SOX5: variants seen among roughly 807,000 people sequenced by gnomAD.
SOX5 encodes the protein transcription factor SOX-5.
In SOX5, 9 loss-of-function variants were observed where a neutral mutation model predicts 92.0. The ratio of observed to expected loss-of-function variants is 0.10; its 90% CI spans 0.06 to 0.17. SOX5 has a LOEUF of 0.17. SOX5 is among the 10% of genes least tolerant of loss of function. The pLI, the probability that SOX5 is intolerant of heterozygous loss-of-function variation, is 1.00. For missense variants in SOX5, 642 were observed against 944.5 expected, an observed-to-expected ratio of 0.68 and a Z score of 4.20; for synonymous variants, 344 against 336.3, an observed-to-expected ratio of 1.02 and a Z score of -0.25.
At position 23,767,035 on chromosome 12, in the gene SOX5, C is replaced by A. The variant is rs2094753657; in HGVS notation, c.482-11311G>T. Among the ~76,000 whole-genome samples the A allele has an allele frequency of 5.3e-5, 8 of 151,950 alleles. No individual in the cohort carries two copies. The South Asian group carries it at 1.7e-3, about 32-fold the overall frequency. ...TAATAGCCTGGGCAAAATTGAGAGA[C>A]CTTGTCTCTATCACAATCAAAACTA... On this transcript the variant is annotated intron_variant, in intron 3 of 14. Coordinates refer to ENST00000451604, the MANE Select transcript of SOX5 (RefSeq NM_006940.6).
At position 23,979,137 on chromosome 12, in the gene SOX5, G is replaced by T. The variant is rs950491349; in HGVS notation, c.-1-83113C>A. On this transcript the variant is annotated intron_variant, in intron 4 of 4. Coordinates refer to the SOX5 transcript ENST00000446891. ...AATTTTTTTTTAATTAATTATGAGG[G>T]TTATTTATATTGTTTGGTTGCTTTA... 2.0e-5 allele frequency among the ~76,000 whole-genome samples: 3 copies of T among 151,852 alleles called. No homozygotes were observed. In the East Asian group the frequency reaches 5.8e-4, roughly 29 times the overall value.
At chr12:24,458,173 TTAAATCTG>T (rs1943227889) in intron 1 of SOX5, among the ~76,000 whole-genome samples, 1 of 152,200 alleles carries the variant, frequency 6.6e-6, no homozygotes, top group Non-Finnish European at 1.5e-5. Flanking sequence ...TTTAAATTTG[TTAAATCTG>T]GCAACGTATC....
At position 24,423,659 on chromosome 12, in the gene SOX5, C is replaced by T. The variant is rs76052195; in HGVS notation, c.-250-55020G>A. Among the ~76,000 whole-genome samples, 45 of 152,356 alleles carry T rather than the reference C, an allele frequency of 3.0e-4. 1 individual carries two copies. The East Asian group carries it at 7.7e-3, about 26-fold the overall frequency. On this transcript the variant is annotated intron_variant, in intron 1 of 4. Transcript: ENST00000446891. ...TTAAAATGCCATTGCTGGCTGAACA[C>T]ACAGGTATTTACCTGGGTCATGAAC...
intron 12 of SOX5, 131 bp downstream of exon 12, chr12:23,546,185 A>T (rs994006981): frequency 3.3e-6 from 2 of 607,366 alleles, no homozygotes; most frequent in Non-Finnish European, 5.8e-6. Flanking sequence ...GGGACTGCTC[A>T]GTATATGTGA....
intron 4 of SOX5, among the ~76,000 whole-genome samples, chr12:24,110,914 A>AAC (rs1555104111): frequency 2.0e-5 from 3 of 150,114 alleles, no homozygotes; most frequent in Non-Finnish European, 3.0e-5. Flanking sequence ...AAAAAAAAAA[A>AAC]AAAAAAAAAA....
intron 1 of SOX5, among the ~76,000 whole-genome samples, chr12:23,937,960 A>G (rs2139434186): frequency 6.6e-6 from 1 of 150,962 alleles, no homozygotes; most frequent in African/African-American, 2.4e-5. Flanking sequence ...TGTTTTGTAT[A>G]AAATGTGCGC....
intron 2 of SOX5, among the ~76,000 whole-genome samples, chr12:23,885,345 T>C (rs544156317): frequency 6.6e-6 from 1 of 152,370 alleles, no homozygotes; most frequent in East Asian, 1.9e-4. Flanking sequence ...GCTATACCCC[T>C]ATCATCTTTT....
intron 3 of SOX5, among the ~76,000 whole-genome samples, chr12:23,768,334 T>C (rs2094807953): frequency 6.6e-6 from 1 of 152,110 alleles, no homozygotes; most frequent in Admixed American, 6.6e-5. Flanking sequence ...CAAAGGTGTT[T>C]ATACCGCTGG....
At chr12:24,466,007 TA>T (rs960776125) in intron 1 of SOX5, among the ~76,000 whole-genome samples, 2 of 152,202 alleles carry the variant, frequency 1.3e-5, no homozygotes, top group African/African-American at 4.8e-5. Flanking sequence ...AATACTACCC[TA>T]ATTATCCCAC....
At chr12:24,002,475 G>A (rs12817320) in intron 4 of SOX5, among the ~76,000 whole-genome samples, 7,625 of 151,520 alleles carry the variant, frequency 0.05, 256 homozygotes, top group Middle Eastern at 0.085. Flanking sequence ...TGATGAAAGC[G>A]AAAAATTCTG....
rs535344603 is a variant in SOX5, at chr12:23,910,273, A to C, written c.39-14249T>G. 3.3e-4 allele frequency among the ~76,000 whole-genome samples: 50 copies of C among 152,296 alleles called. 1 individual carries two copies. The South Asian group carries it at 7.2e-3, about 22-fold the overall frequency. The stretch of plus-strand genomic sequence containing the variant: ...TTAAAGAATATGTTTCTTGTAGAAT[A>C]TGTATTTCAAAGGGAGTTGGCTAAA... On this transcript the variant is annotated intron_variant, in intron 1 of 14. Coordinates refer to ENST00000451604, the MANE Select transcript of SOX5 (RefSeq NM_006940.6).
intron 6 of SOX5, among the ~76,000 whole-genome samples, chr12:23,732,408 C>T (rs564649930): frequency 2.1e-4 from 32 of 152,186 alleles, no homozygotes; most frequent in Admixed American, 5.2e-4. Flanking sequence ...TAAGACTTCT[C>T]CAAATTAACA....
At chr12:24,093,730 C>T (rs1358894537) in intron 4 of SOX5, among the ~76,000 whole-genome samples, 1 of 147,186 alleles carries the variant, frequency 6.8e-6, no homozygotes, top group Non-Finnish European at 1.5e-5. Flanking sequence ...CTGCAATGGA[C>T]GGTCTTGTAC....
At chr12:24,194,088 G>T (rs1338339618) in intron 4 of SOX5, among the ~76,000 whole-genome samples, 1 of 152,104 alleles carries the variant, frequency 6.6e-6, no homozygotes, top group Admixed American at 6.6e-5. Context: ...ACCAGATAAG[G>T]ATAAAACAGT....
intron 4 of SOX5, among the ~76,000 whole-genome samples, chr12:24,067,102 A>G (rs1006732378): frequency 2.0e-5 from 3 of 152,216 alleles, no homozygotes; most frequent in African/African-American, 7.2e-5. Flanking sequence ...TCTGATTGAC[A>G]TGAAAGATGA....
intron 4 of SOX5, among the ~76,000 whole-genome samples, chr12:24,113,979 A>G (rs991313442): frequency 1.2e-4 from 18 of 152,180 alleles, no homozygotes; most frequent in African/African-American, 4.3e-4. Context: ...AAAATGTGAG[A>G]GTTTTGTTAA....
chr12:23,943,230 G>C (rs975474407), intron 1 of SOX5, among the ~76,000 whole-genome samples: 1 of 151,500 alleles, frequency 6.6e-6, no homozygotes, highest in Non-Finnish European at 1.5e-5. Context: ...TTGAATTCCT[G>C]GTCCCCATTG....
intron 5 of SOX5, among the ~76,000 whole-genome samples, chr12:23,735,022 C>T (rs898065633): frequency 1.3e-5 from 2 of 152,236 alleles, no homozygotes; most frequent in Middle Eastern, 3.4e-3. Context: ...GTCTGTTTTT[C>T]GAACATCCCT....
At chr12:24,434,939 C>G (rs936738734) in intron 1 of SOX5, among the ~76,000 whole-genome samples, 1 of 152,242 alleles carries the variant, frequency 6.6e-6, no homozygotes, top group East Asian at 1.9e-4. Flanking sequence ...CCCTCAAATA[C>G]CTAGCAGAGC....
Sources: allele counts gnomAD v4.1 joint callset (sites outside exome capture counted in the v4.1 genomes callset), GRCh38; gene constraint gnomAD v4.1.1; transcripts MANE v1.5; gene names NCBI Gene and HGNC (gene_info 2026-07-23, HGNC 2026-07-21).